Variants in LMO7 observed in about 807,000 individuals in gnomAD.
The protein encoded by LMO7 is LIM domain only protein 7.
In LMO7, 120 loss-of-function variants were observed where a neutral mutation model predicts 206.5. That is an observed-to-expected ratio of 0.58 (90% confidence interval 0.50 to 0.68). LMO7 has a LOEUF of 0.68. Among genes scored for constraint, LMO7 ranks in the 30% least tolerant of loss-of-function variants. The pLI is 0.00. For missense variants in LMO7, 1,959 were observed against 1,957.9 expected (o/e 1.00, Z -0.01); for synonymous variants, 706 against 681.5 (o/e 1.04, Z -0.56).
chr13:75,621,993 T>C (rs564146900), intron 1 of LMO7: 5 of 522,414 alleles, frequency 9.6e-6, no homozygotes, highest in African/African-American at 5.8e-5. Context: ...AGGCAAGAAG[T>C]AAATACTGCA....
At chr13:75,799,920 A>G (rs71434808) in intron 6 of LMO7, among the ~76,000 whole-genome samples, 3,934 of 152,332 alleles carry the variant, frequency 0.026, 84 homozygotes, top group Non-Finnish European at 0.04. Flanking sequence ...TAAGTTCTAT[A>G]TAATTCACAA....
intron 15 of LMO7, among the ~76,000 whole-genome samples, chr13:75,830,122 A>C (rs1189831192): frequency 1.3e-5 from 2 of 152,192 alleles, no homozygotes; most frequent in African/African-American, 4.8e-5. Flanking sequence ...CTCACTTGGC[A>C]TATGTCTTGC....
At chr13:75,646,758 T>C (rs913716196) in intron 1 of LMO7, among the ~76,000 whole-genome samples, 1 of 152,064 alleles carries the variant, frequency 6.6e-6, no homozygotes, top group Non-Finnish European at 1.5e-5. Flanking sequence ...TGATTTTTTG[T>C]ATTTTTAGTA....
At chr13:75,653,120 A>T (rs1224981142) in intron 1 of LMO7, among the ~76,000 whole-genome samples, 1 of 152,228 alleles carries the variant, frequency 6.6e-6, no homozygotes, top group East Asian at 1.9e-4. Flanking sequence ...AGTATGTAAT[A>T]GATATTCAGT....
chr13:75,854,083 C>T (rs1203015128), intron 28 of LMO7, among the ~76,000 whole-genome samples: 1 of 152,040 alleles, frequency 6.6e-6, no homozygotes, highest in Admixed American at 6.5e-5. Flanking sequence ...ATCAGCCCTG[C>T]TTGGGTTTTT....
intron 15 of LMO7, among the ~76,000 whole-genome samples, chr13:75,829,451 GAA>G (rs1378022399): frequency 6.6e-6 from 1 of 151,992 alleles, no homozygotes; most frequent in African/African-American, 2.4e-5. Flanking sequence ...GATTTAGAGA[GAA>G]AGACCAAGAT....
chr13:75,665,518 C>T (rs1017910298), intron 1 of LMO7, among the ~76,000 whole-genome samples: 4 of 142,362 alleles, frequency 2.8e-5, no homozygotes, highest in African/African-American at 1.0e-4. Flanking sequence ...AAATTTATGT[C>T]TCCCTAGTCT....
intron 2 of LMO7, chr13:75,627,516 T>A (rs2034355781): frequency 6.6e-6 from 1 of 152,160 alleles, no homozygotes; most frequent in Non-Finnish European, 1.5e-5. Flanking sequence ...GCAAAACAAT[T>A]TGAATTGATA....
At chr13:75,729,235 G>A (rs1377321654) in intron 3 of LMO7, among the ~76,000 whole-genome samples, 16 of 149,218 alleles carry the variant, frequency 1.1e-4, no homozygotes, top group African/African-American at 3.5e-4. Context: ...CCATTTTCAC[G>A]ATATTGATTC....
chr13:75,678,351 G>A (rs941934909), intron 1 of LMO7, among the ~76,000 whole-genome samples: 1 of 152,200 alleles, frequency 6.6e-6, no homozygotes, highest in East Asian at 1.9e-4. Flanking sequence ...GTGTGAGACG[G>A]TATCTCATTG....
At chr13:75,819,352 GAA>G in intron 12 of LMO7, 39 bp from the exon 13 acceptor site, 2 of 1,554,250 alleles carry the variant, frequency 1.3e-6, no homozygotes, top group Non-Finnish European at 1.7e-6. Flanking sequence ...AGGGTGTATA[GAA>G]ATTCAGGTGT....
At chr13:75,731,575 C>G (rs1204883839) in intron 3 of LMO7, among the ~76,000 whole-genome samples, 24 of 152,172 alleles carry the variant, frequency 1.6e-4, no homozygotes, top group African/African-American at 5.1e-4. Flanking sequence ...GGTCTTGACT[C>G]TTTATCCAAT....
At chr13:75,739,840 A>C (rs1024599475) in intron 3 of LMO7, among the ~76,000 whole-genome samples, 1 of 152,046 alleles carries the variant, frequency 6.6e-6, no homozygotes. Context: ...TGTTTGTCCT[A>C]TCCCCACTTA....
At chr13:75,837,003 G>A (rs765211983) in intron 19 of LMO7, among the ~76,000 whole-genome samples, 4 of 152,018 alleles carry the variant, frequency 2.6e-5, no homozygotes, top group Non-Finnish European at 5.9e-5. Flanking sequence ...AGCATACATC[G>A]TGTGCTATTC....
intron 3 of LMO7, among the ~76,000 whole-genome samples, chr13:75,742,789 A>G (rs1014945411): frequency 9.2e-5 from 14 of 152,360 alleles, no homozygotes; most frequent in African/African-American, 3.4e-4. Flanking sequence ...AACCTAGGCA[A>G]TAACATTCTG....
At chr13:75,848,462 T>TCTATCTATCTATCTATCTAA in intron 26 of LMO7, among the ~76,000 whole-genome samples, 1 of 151,740 alleles carries the variant, frequency 6.6e-6, no homozygotes. Context: ...TATCTATCTA[T>TCTATCTATCTATCTATCTAA]CTATCTAACT....
At chr13:75,742,445 G>C (rs2046490549) in intron 3 of LMO7, among the ~76,000 whole-genome samples, 1 of 152,140 alleles carries the variant, frequency 6.6e-6, no homozygotes, top group Admixed American at 6.5e-5. Context: ...AATAAAGCTG[G>C]AGGCATCATA....
intron 9 of LMO7, 79 bp from the exon 10 acceptor site, chr13:75,807,375 CTGGCTAGTTGGTCTGCTAATCACCTT>C (rs1157097037): frequency 6.0e-6 from 7 of 1,160,736 alleles, no homozygotes; most frequent in Non-Finnish European, 7.2e-6. Context: ...CCCTCAGTAA[CTGGCTAGTTGGTCTGCTAATCACCTT>C]TGGCTAGTCG....
chr13:75,760,332 A>G, intron 3 of LMO7: 2 of 993,836 alleles, frequency 2.0e-6, no homozygotes, highest in Non-Finnish European at 2.4e-6. Flanking sequence ...CACACAAACT[A>G]TGCAATTTAG....
Sources: allele counts gnomAD v4.1 joint callset (sites outside exome capture counted in the v4.1 genomes callset), GRCh38; gene constraint gnomAD v4.1.1; transcripts MANE v1.5; gene names NCBI Gene and HGNC (gene_info 2026-07-23, HGNC 2026-07-21).